Variants in FSIP2 observed in about 807,000 individuals in gnomAD.
FSIP2 encodes fibrous sheath-interacting protein 2.
Under a neutral mutation model 510.5 loss-of-function variants are expected in FSIP2, and 367 were observed. The ratio of observed to expected loss-of-function variants is 0.72; its 90% CI spans 0.66 to 0.78. The LOEUF (loss-of-function observed/expected upper bound fraction) is 0.78. Ranked by LOEUF, FSIP2 falls within the 30% of genes least tolerant of loss-of-function variation. The pLI, the probability that FSIP2 is intolerant of heterozygous loss-of-function variation, is 0.00. For synonymous variants in FSIP2, 2,601 were observed against 2,732.2 expected (o/e 0.95, Z 1.50); for missense variants, 7,594 against 7,901.7 (o/e 0.96, Z 1.48).
At chr2:185,782,966 T>TATCTA (rs560636413) in intron 14 of FSIP2, among the ~76,000 whole-genome samples, 1 of 152,186 alleles carries the variant, frequency 6.6e-6, no homozygotes, top group African/African-American at 2.4e-5. Context: ...TCCTTCTCCT[T>TATCTA]ATCTATAATC....
At position 185,833,214 on chromosome 2, in the gene FSIP2, G is replaced by A. The variant is rs547016357; in HGVS notation, c.20712G>A (p.Gln6904=). 3 of 1,607,208 alleles carry A rather than the reference G, an allele frequency of 1.9e-6. No homozygotes were observed. Among genetic ancestry groups the A allele is most frequent in the South Asian group, 2.2e-5 (2 of 90,056 alleles). The change falls in exon 23 of 23, where the codon CAG becomes CAA. Residue 6904 remains glutamine (Q), a synonymous_variant. Coordinates refer to ENST00000424728, the MANE Select transcript of FSIP2 (RefSeq NM_173651.4). ...CCAGATCTTCCTCACCAGCTCACCA[G>A]GATGAACACTGAAGCTTTTGTACCT... The part of the protein sequence containing the change: ...NISRSSSPAH[Q]DEH
rs1693438199 is a variant in FSIP2, at chr2:185,801,658, C to A, written c.12352C>A (p.Gln4118Lys). 1 of 1,528,542 alleles carries A rather than the reference C, an allele frequency of 6.5e-7. No homozygotes were observed. The highest frequency in any genetic ancestry group is 8.7e-7 in the Non-Finnish European group (1 of 1,143,348). 94.7% of individuals were successfully genotyped at this position (1,528,542 alleles called of 1,614,324 possible). The change falls in exon 17 of 23, where the codon CAA becomes AAA. Residue 4118 changes from glutamine to lysine, a missense_variant. Transcript: ENST00000424728. ...ACCTGAAATTATATTGCAAAAGCTTCAAAGTAACCTAACAGAATTTACTTC... is the reference window on the plus strand; with the variant it reads ...ACCTGAAATTATATTGCAAAAGCTTAAAAGTAACCTAACAGAATTTACTTC... Reference protein sequence around the residue: ...LKPEIILQKLQSNLTEFTSLP... With the variant: ...LKPEIILQKLKSNLTEFTSLP...
In FSIP2 at chr2:185,777,393, G is replaced by GTT. The variant is rs10567134; in HGVS notation, c.1412-5295_1412-5294dup. Among the ~76,000 whole-genome samples the GTT allele has an allele frequency of 4.2e-4, 52 of 122,560 alleles. 1 individual carries two copies. The highest frequency in any genetic ancestry group is 1.2e-3 in the East Asian group (5 of 4,302). 80.4% of individuals were successfully genotyped at this position (122,560 alleles called of 152,430 possible). A position where few individuals can be genotyped will look rare whatever the true frequency, so the allele number is the denominator to read the frequency against. ...TTCCTTTGCAATTCTTATAATTGTA[G>GTT]TTTTTTTTTTTTTTTTTTGCACTCT... On this transcript the variant is annotated intron_variant, in intron 13 of 22. Transcript: ENST00000424728.
rs1320341999 is a variant in FSIP2 at position 185,814,007 on chromosome 2, G to A, written c.20290G>A (p.Ala6764Thr). Residue 6764 changes from alanine (A) to threonine (T), a missense_variant, in exon 18 of 23, where the codon GCC becomes ACC. Ala to Thr is a moderately conservative substitution (Grantham distance 58, BLOSUM62 0). Transcript: ENST00000424728. ...MATPKTMPET[A>T]SSSWEEKPQC... Reference sequence around the variant, plus strand: ...CACACCAAAGACGATGCCTGAAACAGCCTCTTCATCTTGGGAGGAAAAGCC... The same window carrying A: ...CACACCAAAGACGATGCCTGAAACAACCTCTTCATCTTGGGAGGAAAAGCC... 1 of 1,613,086 alleles carries A rather than the reference G, an allele frequency of 6.2e-7. No homozygotes were observed. The highest frequency in any genetic ancestry group is 1.1e-5 in the South Asian group (1 of 91,012).
intron 13 of FSIP2, among the ~76,000 whole-genome samples, chr2:185,779,927 G>GT (rs760154503): frequency 2.1e-3 from 297 of 143,774 alleles, no homozygotes; most frequent in African/African-American, 2.7e-3. Context: ...TCAGGGGACA[G>GT]TTTTTTTTTT....
chr2:185,790,128 G>A lies in FSIP2; in HGVS notation c.2992G>A (p.Val998Ile). 3.3e-6 allele frequency: 5 copies of A among 1,533,692 alleles called. No homozygotes were observed. The highest frequency in any genetic ancestry group is 4.4e-6 in the Non-Finnish European group (5 of 1,145,306). The change falls in exon 16 of 23, where the codon GTT becomes ATT. Residue 998 changes from valine (V) to isoleucine (I), a missense_variant. Val to Ile is a conservative substitution (Grantham distance 29). Coordinates refer to ENST00000424728, the MANE Select transcript of FSIP2 (RefSeq NM_173651.4). ...TCCACCTATAAATGTTCCAGGCATG[G>A]TTCTTTATTCTGATGATGAAAATGA... ...PFPPINVPGM[V>I]LYSDDENEEI...
Position 185,790,795 on chromosome 2 carries a change from T to C in FSIP2, c.3659T>C (p.Leu1220Ser). 6.5e-7 allele frequency: 1 copy of C among 1,532,468 alleles called. No individual in the cohort carries two copies. Among genetic ancestry groups the C allele is most frequent in the Non-Finnish European group, 8.7e-7 (1 of 1,144,736 alleles). The allele number at this position is 1,532,468 out of a possible 1,614,324, so 94.9% of individuals were successfully genotyped here. Residue 1220 changes from leucine to serine, a missense_variant, in exon 16 of 23, where the codon TTA becomes TCA. Leu to Ser is a moderately radical substitution (Grantham distance 145, BLOSUM62 -2). Coordinates refer to ENST00000424728, the MANE Select transcript of FSIP2 (RefSeq NM_173651.4). ...AAAGAAGCACCAAATAAATACCCAT[T>C]AAAAACATGGTTTGACAGTGAAAAG... ...IVKEAPNKYP[L>S]KTWFDSEKKM...
Position 185,804,084 on chromosome 2 carries a change from T to G in FSIP2, c.14778T>G (p.Thr4926=). 1 of 1,527,654 alleles carries G rather than the reference T, an allele frequency of 6.5e-7. No homozygotes were observed. The highest frequency in any genetic ancestry group is 8.8e-7 in the Non-Finnish European group (1 of 1,142,056). 94.6% of individuals were successfully genotyped at this position (1,527,654 alleles called of 1,614,324 possible). The change falls in exon 17 of 23, where the codon ACT becomes ACG. Residue 4926 remains threonine, a synonymous_variant. Transcript: ENST00000424728. ...TCCTTTTGGCAGCAGTTGATCAAAC[T>G]TATAAATTGAAAGCAATAGATCCTA... is the stretch of plus-strand genomic sequence containing the variant. ...KTLLLAAVDQ[T]YKLKAIDPKQ...
intron 13 of FSIP2, among the ~76,000 whole-genome samples, chr2:185,777,644 G>A (rs2105587273): frequency 1.3e-5 from 2 of 152,088 alleles, no homozygotes; most frequent in Middle Eastern, 3.4e-3. Flanking sequence ...TATAATTTAT[G>A]TATCTGTTAA....
intron 13 of FSIP2, among the ~76,000 whole-genome samples, chr2:185,778,828 C>T (rs1046926713): frequency 2.1e-4 from 32 of 151,898 alleles, no homozygotes; most frequent in African/African-American, 7.2e-4. Context: ...ATTTTTTACT[C>T]CTTGTTCTAA....
intron 7 of FSIP2, among the ~76,000 whole-genome samples, chr2:185,751,872 G>A (rs1023934037): frequency 1.3e-5 from 2 of 150,120 alleles, no homozygotes; most frequent in African/African-American, 4.9e-5. Context: ...TTTTCCCTTT[G>A]GCCTTTATGC....
chr2:185,791,535 A>G lies in FSIP2; in HGVS notation c.4399A>G (p.Asn1467Asp), dbSNP rs1333062472. The stretch of plus-strand genomic sequence containing the variant: ...TAGTCAACAAAGCAGAGAGATGACC[A>G]ATAAGAATCAGAAAATGGCTGCTGC... Reference protein sequence around the residue: ...SCSQQSREMTNKNQKMAAALQ... With the variant: ...SCSQQSREMTDKNQKMAAALQ... Residue 1467 changes from asparagine to aspartate, a missense_variant, in exon 16 of 23, where the codon AAT becomes GAT. Physicochemically the swap from Asn to Asp is conservative, Grantham distance 23 (BLOSUM62 1). Transcript: ENST00000424728. The G allele has an allele frequency of 6.5e-7, 1 of 1,534,368 alleles. No homozygotes were observed. The highest frequency in any genetic ancestry group is 1.4e-5 in the African/African-American group (1 of 72,906).
chr2:185,802,426 G>T lies in FSIP2; in HGVS notation c.13120G>T (p.Ala4374Ser), dbSNP rs1009174848. 6.5e-7 allele frequency: 1 copy of T among 1,533,888 alleles called. No homozygotes were observed. The highest frequency in any genetic ancestry group is 8.7e-7 in the Non-Finnish European group (1 of 1,145,466). ...CAATACAGATATTGTGGATGAACTT[G>T]CCACCTCAGTTTATAGAAATGCTTT... ...SFNTDIVDELATSVYRNALKQ... is the reference protein window; with the variant it reads ...SFNTDIVDELSTSVYRNALKQ... Residue 4374 changes from alanine to serine, a missense_variant, in exon 17 of 23, where the codon GCC becomes TCC. Physicochemically the swap from Ala to Ser is moderately conservative, Grantham distance 99. Coordinates refer to ENST00000424728, the MANE Select transcript of FSIP2 (RefSeq NM_173651.4).
In FSIP2 at chr2:185,792,886, C is replaced by T. The variant is rs2105618580; in HGVS notation, c.5750C>T (p.Ala1917Val). 1 of 1,534,164 alleles carries T rather than the reference C, an allele frequency of 6.5e-7. No homozygotes were observed. Among genetic ancestry groups the T allele is most frequent in the Middle Eastern group, 1.7e-4 (1 of 5,982 alleles). The change falls in exon 16 of 23, where the codon GCT becomes GTT. Residue 1917 changes from alanine to valine, a missense_variant. Transcript: ENST00000424728. ...GACAAGGAGACAAAGGTAAATCTAG[C>T]TGAAGATATTGTACAGGCAATATTA... is the stretch of plus-strand genomic sequence containing the variant. ...VADKETKVNL[A>V]EDIVQAILTN...
In FSIP2 at chr2:185,796,469, A is replaced by G; in HGVS notation, c.9333A>G (p.Ile3111Met). ...AAATGGAACCATCTTCAATTAGCAT[A>G]TTGAAAGAGAACATTGTAGCAAGTG... is the stretch of plus-strand genomic sequence containing the variant. ...ISQMEPSSIS[I>M]LKENIVASEI... is the part of the protein sequence containing the mutation. The change falls in exon 16 of 23, where the codon ATA (isoleucine) becomes ATG (methionine). Residue 3111 changes from isoleucine to methionine, a missense_variant. By Grantham distance (10) the Ile-to-Met change is conservative (BLOSUM62 1). Transcript: ENST00000424728. 4 of 1,535,052 alleles carry G rather than the reference A, an allele frequency of 2.6e-6. No individual in the cohort carries two copies. The highest frequency in any genetic ancestry group is 3.5e-6 in the Non-Finnish European group (4 of 1,146,238).
rs1691981043 is a variant in FSIP2 at position 185,744,235 on chromosome 2, G to T, written c.388-87G>T. 3 of 246,652 alleles carry T rather than the reference G, an allele frequency of 1.2e-5. 1 individual carries two copies. The highest frequency in any genetic ancestry group is 2.3e-5 in the African/African-American group (1 of 44,326). The allele number at this position is 246,652 out of a possible 1,614,324, so 15.3% of individuals were successfully genotyped here. On this transcript the variant is annotated intron_variant, in intron 3 of 22. Coordinates refer to ENST00000424728, the MANE Select transcript of FSIP2 (RefSeq NM_173651.4). ...TTTTTTATTTTTAAATCAATTTAAT[G>T]ATTTAAAAATATATTTAAAATATTT...
chr2:185,753,280 T>G (rs7592890), intron 7 of FSIP2, among the ~76,000 whole-genome samples: 77,856 of 150,936 alleles, frequency 0.52, 20,437 homozygotes, highest in South Asian at 0.64. Flanking sequence ...TCATTCTGTA[T>G]GGATTTATCT....
chr2:185,745,643 G>GTGTGTATTACATATAT, intron 5 of FSIP2, 75 bp downstream of exon 5: 1 of 1,300,914 alleles, frequency 7.7e-7, no homozygotes, highest in Non-Finnish European at 1.0e-6. Flanking sequence ...AGAAAGAATT[G>GTGTGTATTACATATAT]AAGACAATTT....
Position 185,796,540 on chromosome 2 carries a change from C to T in FSIP2, c.9404C>T (p.Ser3135Phe). ...GACCAGTGTACTTATTTCAATGAGT[C>T]TTTGATACAAAACCTTTCAAGAGAA... ...LMDQCTYFNE[S>F]LIQNLSRESL... is the part of the protein sequence containing the mutation. Residue 3135 changes from serine (S) to phenylalanine (F), a missense_variant, in exon 16 of 23, where the codon TCT becomes TTT. Physicochemically the swap from Ser to Phe is radical, Grantham distance 155. Transcript: ENST00000424728. 2.0e-6 allele frequency: 3 copies of T among 1,535,042 alleles called. No individual in the cohort carries two copies. The highest frequency in any genetic ancestry group is 2.6e-6 in the Non-Finnish European group (3 of 1,146,182).
Sources: allele counts gnomAD v4.1 joint callset (sites outside exome capture counted in the v4.1 genomes callset), GRCh38; gene constraint gnomAD v4.1.1; transcripts MANE v1.5; gene names NCBI Gene and HGNC (gene_info 2026-07-23, HGNC 2026-07-21).